Variants in BANP observed in about 807,000 individuals in gnomAD.
The protein encoded by BANP is protein BANP.
A neutral mutation model predicts 68.1 loss-of-function variants in BANP; 11 were observed. The observed-to-expected ratio is 0.16, with a 90% CI of 0.10 to 0.27. The LOEUF (loss-of-function observed/expected upper bound fraction) is 0.27. Among genes scored for constraint, BANP ranks in the 10% least tolerant of loss-of-function variants. The probability of loss-of-function intolerance (pLI) is 1.00; values close to 1 mark genes in which losing one functional copy is unlikely to be tolerated. For missense variants in BANP, 504 were observed against 722.7 expected, an observed-to-expected ratio of 0.70 and a Z score of 3.47; for synonymous variants, 329 against 303.2, an observed-to-expected ratio of 1.09 and a Z score of -0.88.
At chr16:88,027,958 G>A (rs569187281) in intron 8 of BANP, among the ~76,000 whole-genome samples, 12 of 152,254 alleles carry the variant, frequency 7.9e-5, no homozygotes, top group African/African-American at 2.9e-4. Context: ...GCTGCCGGCC[G>A]TTGTATTCTC....
rs1260296457 is a variant in BANP at position 88,076,721 on chromosome 16, G to T, written c.*60G>T. ...TCCGCCTACGGCCCGGCCCCCACGC[G>T]CCCTGCTCTCACGGCCTCGGCACAG... On this transcript the variant is annotated 3_prime_UTR_variant, in exon 14 of 14. Coordinates refer to ENST00000682872, the MANE Select transcript of BANP (RefSeq NM_001386991.1). The T allele has an allele frequency of 1.4e-6, 2 of 1,436,786 alleles. No individual in the cohort carries two copies. The highest frequency in any genetic ancestry group is 1.9e-6 in the Non-Finnish European group (2 of 1,058,448). The allele number at this position is 1,436,786 out of a possible 1,614,324, so 89.0% of individuals were successfully genotyped here. A position where few individuals can be genotyped will look rare whatever the true frequency, so the allele number is the denominator to read the frequency against.
intron 11 of BANP, among the ~76,000 whole-genome samples, chr16:88,042,155 C>G (rs1356273766): frequency 2.6e-5 from 4 of 152,248 alleles, no homozygotes; most frequent in African/African-American, 9.6e-5. Flanking sequence ...AGACGGAGCC[C>G]CCGGTGCTCA....
chr16:87,975,062 G>T lies in BANP; in HGVS notation c.-54G>T. The T allele has an allele frequency of 6.6e-7, 1 of 1,524,324 alleles. No individual in the cohort carries two copies. The highest frequency in any genetic ancestry group is 9.1e-7 in the Non-Finnish European group (1 of 1,100,216). 94.4% of individuals were successfully genotyped at this position (1,524,324 alleles called of 1,614,324 possible). A position where few individuals can be genotyped will look rare whatever the true frequency, so the allele number is the denominator to read the frequency against. ...CTGTTTGGTAGGTGACCAAAAGCCAGCCCCACTGTGAGTTGAACTCTTTCG... is the reference window on the plus strand; with the variant it reads ...CTGTTTGGTAGGTGACCAAAAGCCATCCCCACTGTGAGTTGAACTCTTTCG... On this transcript the variant is annotated 5_prime_UTR_variant, in exon 2 of 14. Coordinates refer to ENST00000682872, the MANE Select transcript of BANP (RefSeq NM_001386991.1).
intron 13 of BANP, among the ~76,000 whole-genome samples, chr16:88,073,876 AC>A (rs371381721): frequency 6.6e-6 from 1 of 152,232 alleles, no homozygotes; most frequent in African/African-American, 2.4e-5. Context: ...TCTCTCTGTT[AC>A]CATGCCCTCC....
intron 6 of BANP, among the ~76,000 whole-genome samples, chr16:88,010,128 T>C (rs2152576644): frequency 6.6e-6 from 1 of 152,366 alleles, no homozygotes; most frequent in Middle Eastern, 3.4e-3. Context: ...TGTTTTGTAC[T>C]TGAAAGTGTG....
chr16:87,975,678 T>C (rs2061954147), intron 2 of BANP, among the ~76,000 whole-genome samples: 1 of 151,450 alleles, frequency 6.6e-6, no homozygotes. Flanking sequence ...TGTGGCGTCA[T>C]GGAACCTTAC....
intron 12 of BANP, among the ~76,000 whole-genome samples, chr16:88,070,870 G>C (rs1475926963): frequency 6.6e-6 from 1 of 152,270 alleles, no homozygotes; most frequent in African/African-American, 2.4e-5. Context: ...TCAATGTAGA[G>C]TGAATTATAC....
At chr16:88,034,072 A>G (rs1473769484) in intron 9 of BANP, among the ~76,000 whole-genome samples, 1 of 152,120 alleles carries the variant, frequency 6.6e-6, no homozygotes, top group African/African-American at 2.4e-5. Flanking sequence ...GTCCTCCACT[A>G]TTGAGAGTGG....
rs908128782 is a variant in BANP, at chr16:88,057,132, G to A, written c.1312-8135G>A. Among the ~76,000 whole-genome samples the A allele has an allele frequency of 9.2e-5, 14 of 152,164 alleles. No homozygotes were observed. Among genetic ancestry groups the A allele is most frequent in the African/African-American group, 2.7e-4 (11 of 41,422 alleles). On this transcript the variant is annotated intron_variant, in intron 11 of 13. Transcript: ENST00000682872. This position sits in a 1 kb window ranked among gnomAD's most constrained non-coding sequence, Gnocchi z 4.6. ...GGTGTTCTGAGACTTTTCTGTTGCC[G>A]TTGTTGAGCTGTGTCTGCCTTTTCT...
intron 11 of BANP, among the ~76,000 whole-genome samples, chr16:88,060,345 G>A (rs1265702843): frequency 6.6e-6 from 1 of 152,234 alleles, no homozygotes; most frequent in African/African-American, 2.4e-5. Flanking sequence ...TCAGTGTGGG[G>A]CTGAGATTGG....
chr16:88,015,907 G>A (rs1176930567), intron 6 of BANP, among the ~76,000 whole-genome samples: 3 of 152,218 alleles, frequency 2.0e-5, no homozygotes, highest in South Asian at 2.1e-4. Context: ...TGTTTCCCGC[G>A]GCCCCGGTTC....
intron 1 of BANP, among the ~76,000 whole-genome samples, chr16:87,962,239 CAAAAAA>C (rs10660621): frequency 8.8e-5 from 7 of 79,788 alleles, no homozygotes; most frequent in Non-Finnish European, 1.6e-4. Flanking sequence ...GACTTGGTCT[CAAAAAA>C]AAAAAAAAAA....
At position 88,003,503 on chromosome 16, in the gene BANP, T is replaced by G; in HGVS notation, c.363-792T>G. On this transcript the variant is annotated intron_variant, in intron 4 of 13. Transcript: ENST00000682872. The surrounding 1 kb of genome is among the most constrained non-coding windows in gnomAD (Gnocchi z 6.1). The stretch of plus-strand genomic sequence containing the variant: ...CCAGCCTTCCACAACAAAGCGGACC[T>G]TAGATATCCCTTGTGACCAGAAAGT... The G allele has an allele frequency of 2.2e-6, 1 of 456,330 alleles. No homozygotes were observed. The highest frequency in any genetic ancestry group is 4.4e-6 in the Non-Finnish European group (1 of 226,982). 28.3% of individuals were successfully genotyped at this position (456,330 alleles called of 1,614,324 possible).
rs1031047122 is a variant in BANP at position 88,004,928 on chromosome 16, C to T, written c.479+517C>T. Among the ~76,000 whole-genome samples, 8 of 152,230 alleles carry T rather than the reference C, an allele frequency of 5.3e-5. No individual in the cohort carries two copies. The highest frequency in any genetic ancestry group is 4.1e-4 in the South Asian group (2 of 4,836). ...CGCTCTGTGTGAGGGGAAGGCTGTG[C>T]AGTGGCCTCTGGCTGGCATCCAAGC... On this transcript the variant is annotated intron_variant, in intron 5 of 13. Coordinates refer to ENST00000682872, the MANE Select transcript of BANP (RefSeq NM_001386991.1). The surrounding 1 kb of genome is among the most constrained non-coding windows in gnomAD (Gnocchi z 7.0).
At chr16:87,961,472 C>G (rs1167394764) in intron 1 of BANP, among the ~76,000 whole-genome samples, 1 of 146,990 alleles carries the variant, frequency 6.8e-6, no homozygotes, top group Non-Finnish European at 1.5e-5. Flanking sequence ...GGTGAGGCTG[C>G]CTTTTTGTCA....
At chr16:87,952,807 C>G (rs2057235696) in intron 1 of BANP, 2 of 152,294 alleles carry the variant, frequency 1.3e-5, no homozygotes, top group Admixed American at 6.5e-5. Flanking sequence ...TAGGGTTTCA[C>G]TCGGTCCCCG....
chr16:87,992,290 T>G (rs2066058581), intron 4 of BANP, among the ~76,000 whole-genome samples: 1 of 152,246 alleles, frequency 6.6e-6, no homozygotes. Context: ...CGTCTGTGTT[T>G]GTGCAACATG....
upstream of BANP, chr16:87,951,411 G>A (rs560001876): frequency 6.6e-6 from 1 of 151,728 alleles, no homozygotes; most frequent in South Asian, 2.1e-4. Context: ...AGCGTCGCGG[G>A]GAGGGGCTCG....
chr16:88,066,270 T>G (rs564289904), intron 12 of BANP, among the ~76,000 whole-genome samples: 192 of 152,288 alleles, frequency 1.3e-3, no homozygotes, highest in Non-Finnish European at 2.2e-3. Flanking sequence ...CCAATAAATG[T>G]ATTAACAGGA....
Sources: allele counts gnomAD v4.1 joint callset (sites outside exome capture counted in the v4.1 genomes callset), GRCh38; gene constraint gnomAD v4.1.1; non-coding constraint Gnocchi (gnomAD v3.1); transcripts MANE v1.5; gene names NCBI Gene and HGNC (gene_info 2026-07-23, HGNC 2026-07-21).